Variants in CABS1 observed in about 807,000 individuals in gnomAD.
CABS1 encodes the protein calcium-binding and spermatid-specific protein 1.
For missense variants in CABS1, 500 were observed against 464.3 expected, an observed-to-expected ratio of 1.08 and a Z score of -0.71; for synonymous variants, 195 against 169.0, an observed-to-expected ratio of 1.15 and a Z score of -1.19.
At chr4:70,336,426 C>A (rs1024785774) in intron 1 of CABS1, 80 bp downstream of exon 1, 72 of 652,756 alleles carry the variant, frequency 1.1e-4, no homozygotes, top group African/African-American at 1.1e-3. Flanking sequence ...GAAAAAAAAA[C>A]CGCAGTGTAA....
rs773972098 is a variant in CABS1 at position 70,335,565 on chromosome 4, G to A, written c.526G>A (p.Ala176Thr). Residue 176 changes from alanine (A) to threonine (T), a missense_variant, in exon 1 of 2, where the codon GCT becomes ACT. Physicochemically the swap from Ala to Thr is moderately conservative, Grantham distance 58. Coordinates refer to ENST00000273936, the MANE Select transcript of CABS1 (RefSeq NM_033122.4). ...LKDSSAGVAD[A>T]PAFPRKKDEA... ...GGACAGCAGTGCTGGTGTTGCTGAC[G>A]CTCCTGCCTTTCCACGTAAAAAGGA... is the stretch of plus-strand genomic sequence containing the variant. 28 of 1,613,448 alleles carry A rather than the reference G, an allele frequency of 1.7e-5. No individual in the cohort carries two copies. Among genetic ancestry groups the A allele is most frequent in the South Asian group, 6.6e-5 (6 of 91,066 alleles).
chr4:70,335,692 C>G lies in CABS1; in HGVS notation c.653C>G (p.Pro218Arg). Residue 218 changes from proline (P) to arginine (R), a missense_variant, in exon 1 of 2, where the codon CCT becomes CGT. Transcript: ENST00000273936. ...TDSTIPEAEI[P>R]PAPEESFTTI... ...TCCACTATTCCTGAGGCTGAAATCC[C>G]TCCTGCTCCTGAAGAAAGCTTCACT... 6.2e-7 allele frequency: 1 copy of G among 1,613,568 alleles called. No homozygotes were observed. The highest frequency in any genetic ancestry group is 8.5e-7 in the Non-Finnish European group (1 of 1,179,758).
At position 70,335,922 on chromosome 4, in the gene CABS1, G is replaced by T. The variant is rs879333550; in HGVS notation, c.883G>T (p.Ala295Ser). 26 of 1,613,464 alleles carry T rather than the reference G, an allele frequency of 1.6e-5. No homozygotes were observed. The highest frequency in any genetic ancestry group is 2.1e-5 in the Non-Finnish European group (25 of 1,179,716). The change falls in exon 1 of 2, where the codon GCC (alanine) becomes TCC (serine). Residue 295 changes from alanine (A) to serine (S), a missense_variant. Transcript: ENST00000273936. ...LLTDEETTEGASIWMERDTAN... is the reference protein window; with the variant it reads ...LLTDEETTEGSSIWMERDTAN... ...AACTGATGAAGAAACTACCGAGGGA[G>T]CCAGTATTTGGATGGAGAGAGATAC... is the stretch of plus-strand genomic sequence containing the variant.
At position 70,335,688 on chromosome 4, in the gene CABS1, A is replaced by T. The variant is rs1338906017; in HGVS notation, c.649A>T (p.Ile217Phe). ...VTDSTIPEAEIPPAPEESFTT... is the reference protein window; with the variant it reads ...VTDSTIPEAEFPPAPEESFTT... ...TGATTCCACTATTCCTGAGGCTGAA[A>T]TCCCTCCTGCTCCTGAAGAAAGCTT... Residue 217 changes from isoleucine to phenylalanine, a missense_variant, in exon 1 of 2, where the codon ATC (isoleucine) becomes TTC (phenylalanine). Coordinates refer to ENST00000273936, the MANE Select transcript of CABS1 (RefSeq NM_033122.4). 8.1e-6 allele frequency: 13 copies of T among 1,613,436 alleles called. No individual in the cohort carries two copies. Among genetic ancestry groups the T allele is most frequent in the Non-Finnish European group, 1.1e-5 (13 of 1,179,768 alleles).
Position 70,335,997 on chromosome 4 carries a change from A to G in CABS1, c.958A>G (p.Arg320Gly). The G allele has an allele frequency of 6.2e-7, 1 of 1,613,558 alleles. No homozygotes were observed. Among genetic ancestry groups the G allele is most frequent in the South Asian group, 1.1e-5 (1 of 91,070 alleles). The change falls in exon 1 of 2, where the codon AGA becomes GGA. Residue 320 changes from arginine to glycine, a missense_variant. Coordinates refer to ENST00000273936, the MANE Select transcript of CABS1 (RefSeq NM_033122.4). The part of the protein sequence containing the change: ...HSVLLTAVES[R>G]YDFVVPASIA... Reference sequence around the variant, plus strand: ...TGTTTTGCTTACTGCTGTTGAATCCAGATATGACTTCGTTGTCCCTGCATC... The same window carrying G: ...TGTTTTGCTTACTGCTGTTGAATCCGGATATGACTTCGTTGTCCCTGCATC...
rs1282080938 is a variant in CABS1 at position 70,335,485 on chromosome 4, T to C, written c.446T>C (p.Ile149Thr). The change falls in exon 1 of 2, where the codon ATT becomes ACT. Residue 149 changes from isoleucine to threonine, a missense_variant. Coordinates refer to ENST00000273936, the MANE Select transcript of CABS1 (RefSeq NM_033122.4). ...IAKEDILLAT[I>T]DTGDAEISIT... ...AAAGAAGATATCCTCTTAGCTACCA[T>C]TGACACAGGAGATGCAGAGATCTCA... 4 of 1,613,720 alleles carry C rather than the reference T, an allele frequency of 2.5e-6. No individual in the cohort carries two copies. Among genetic ancestry groups the C allele is most frequent in the Non-Finnish European group, 3.4e-6 (4 of 1,179,794 alleles).
In CABS1 at chr4:70,335,728, AC is replaced by A. The variant is rs576625585; in HGVS notation, c.690del (p.Asp230GlufsTer2). ...GAAGAAAGCTTCACTACTATTCCAG[AC>A]ATAACTGCCCTTGAAGAAGAGAAAA... ...APEESFTTIP[D>X]ITALEEEKIT... On this transcript the variant is annotated frameshift_variant, in exon 1 of 2. Transcript: ENST00000273936. LOFTEE classifies it low-confidence loss of function (END_TRUNC). The A allele has an allele frequency of 4.0e-5, 64 of 1,613,696 alleles. 1 individual carries two copies. In the East Asian group the frequency reaches 1.3e-3, roughly 32 times the overall value.
Position 70,335,830 on chromosome 4 carries a change from T to G in CABS1, c.791T>G (p.Phe264Cys). 6.2e-7 allele frequency: 1 copy of G among 1,613,548 alleles called. No homozygotes were observed. The highest frequency in any genetic ancestry group is 8.5e-7 in the Non-Finnish European group (1 of 1,179,722). Reference protein sequence around the residue: ...VATLTDSDEKFITVFELTTSA... With the variant: ...VATLTDSDEKCITVFELTTSA... ...ACATTAACTGACTCTGATGAGAAGTTTATCACTGTGTTTGAACTCACTACC... is the reference window on the plus strand; with the variant it reads ...ACATTAACTGACTCTGATGAGAAGTGTATCACTGTGTTTGAACTCACTACC... The change falls in exon 1 of 2, where the codon TTT becomes TGT. Residue 264 changes from phenylalanine (F) to cysteine (C), a missense_variant. Coordinates refer to ENST00000273936, the MANE Select transcript of CABS1 (RefSeq NM_033122.4).
Position 70,335,362 on chromosome 4 carries a change from G to A in CABS1, c.323G>A (p.Arg108Lys). 9 of 1,613,760 alleles carry A rather than the reference G, an allele frequency of 5.6e-6. No individual in the cohort carries two copies. Among genetic ancestry groups the A allele is most frequent in the Non-Finnish European group, 7.6e-6 (9 of 1,179,868 alleles). Reference protein sequence around the residue: ...SLTGTTNSITRDSITEHFMPV... With the variant: ...SLTGTTNSITKDSITEHFMPV... Reference sequence around the variant, plus strand: ...ACTGGCACTACAAACTCCATAACAAGAGACTCTATTACCGAACATTTCATG... The same window carrying A: ...ACTGGCACTACAAACTCCATAACAAAAGACTCTATTACCGAACATTTCATG... The change falls in exon 1 of 2, where the codon AGA (arginine) becomes AAA (lysine). Residue 108 changes from arginine to lysine, a missense_variant. Arg to Lys is a conservative substitution (Grantham distance 26). Coordinates refer to ENST00000273936, the MANE Select transcript of CABS1 (RefSeq NM_033122.4).
Position 70,336,101 on chromosome 4 carries a change from G to A in CABS1, c.1062G>A (p.Lys354=), listed in dbSNP as rs776902349. The change falls in exon 1 of 2, where the codon AAG becomes AAA. Residue 354 remains lysine (K), a synonymous_variant. Transcript: ENST00000273936. ...CTGATAATACAGAGACTGTACCTAA[G>A]ATCACTGAGCCATTTTCTGGAACTA... ...SETDNTETVP[K]ITEPFSGTTS... 1.2e-6 allele frequency: 2 copies of A among 1,613,168 alleles called. No homozygotes were observed. The highest frequency in any genetic ancestry group is 2.2e-5 in the South Asian group (2 of 91,052).
Position 70,335,428 on chromosome 4 carries a change from T to C in CABS1, c.389T>C (p.Val130Ala). ...IGNISSPVTT[V>A]SLIDFSTDIA... is the part of the protein sequence containing the mutation. ...AATATTTCATCACCAGTTACTACTGTTTCTTTAATAGATTTTTCCACTGAC... is the reference window on the plus strand; with the variant it reads ...AATATTTCATCACCAGTTACTACTGCTTCTTTAATAGATTTTTCCACTGAC... The change falls in exon 1 of 2, where the codon GTT becomes GCT. Residue 130 changes from valine (V) to alanine (A), a missense_variant. Physicochemically the swap from Val to Ala is moderately conservative, Grantham distance 64 (BLOSUM62 0). Coordinates refer to ENST00000273936, the MANE Select transcript of CABS1 (RefSeq NM_033122.4). 1 of 1,613,702 alleles carries C rather than the reference T, an allele frequency of 6.2e-7. No homozygotes were observed. Among genetic ancestry groups the C allele is most frequent in the Non-Finnish European group, 8.5e-7 (1 of 1,179,794 alleles).
chr4:70,335,151 G>GCTATTCCC lies in CABS1; in HGVS notation c.112_113insCTATTCCC (p.Glu38AlafsTer17). Reference sequence around the variant, plus strand: ...GGCTGACAATGCTATTCCCAAATCAGAAACAACTATTACTTCAGAAGGAGA... The same window carrying GCTATTCCC: ...GGCTGACAATGCTATTCCCAAATCAGCTATTCCCAAACAACTATTACTTCAGAAGGAGA... On this transcript the variant is annotated frameshift_variant, in exon 1 of 2. Coordinates refer to ENST00000273936, the MANE Select transcript of CABS1 (RefSeq NM_033122.4). LOFTEE classifies it low-confidence loss of function (END_TRUNC). The GCTATTCCC allele has an allele frequency of 1.9e-6, 3 of 1,613,800 alleles. No individual in the cohort carries two copies. The highest frequency in any genetic ancestry group is 1.7e-6 in the Non-Finnish European group (2 of 1,179,826).
chr4:70,335,760 G>T lies in CABS1; in HGVS notation c.721G>T (p.Glu241Ter). 6.2e-7 allele frequency: 1 copy of T among 1,613,504 alleles called. No homozygotes were observed. The highest frequency in any genetic ancestry group is 8.5e-7 in the Non-Finnish European group (1 of 1,179,742). Residue 241 changes from glutamate (E) to a stop codon, truncating the protein, a stop_gained, in exon 1 of 2, where the codon GAA becomes TAA. Coordinates refer to ENST00000273936, the MANE Select transcript of CABS1 (RefSeq NM_033122.4). LOFTEE classifies it low-confidence loss of function (END_TRUNC). ...ITALEEEKIT[E>*]IDLSVLEDDT... is the part of the protein sequence containing the mutation. ...TGCCCTTGAAGAAGAGAAAATAACCGAAATTGACCTAAGTGTTTTAGAAGA... is the reference window on the plus strand; with the variant it reads ...TGCCCTTGAAGAAGAGAAAATAACCTAAATTGACCTAAGTGTTTTAGAAGA...
chr4:70,335,931 T>G lies in CABS1; in HGVS notation c.892T>G (p.Trp298Gly), dbSNP rs2291182. 0.097 allele frequency: 157,208 copies of G among 1,613,402 alleles called. 9,355 individuals are homozygous for G. The highest frequency in any genetic ancestry group is 0.2 in the East Asian group (8,953 of 44,812). Residue 298 changes from tryptophan to glycine, a missense_variant, in exon 1 of 2, where the codon TGG becomes GGG. Coordinates refer to ENST00000273936, the MANE Select transcript of CABS1 (RefSeq NM_033122.4). The stretch of plus-strand genomic sequence containing the variant: ...AGAAACTACCGAGGGAGCCAGTATT[T>G]GGATGGAGAGAGATACTGCAAATGA... The part of the protein sequence containing the change: ...DEETTEGASI[W>G]MERDTANEAE...
chr4:70,336,416 G>T, intron 1 of CABS1, 70 bp downstream of exon 1: 17 of 689,658 alleles, frequency 2.5e-5, no homozygotes, highest in East Asian at 7.7e-5. Flanking sequence ...CGGAAACTTA[G>T]AAAAAAAAAC....
Position 70,336,326 on chromosome 4 carries a change from G to A in CABS1, c.*99G>A. Reference sequence around the variant, plus strand: ...CCAACAAGCAAAAACCTTTAGAAATGAAAGAATGTGGGCATTTAAGGCAAG... The same window carrying A: ...CCAACAAGCAAAAACCTTTAGAAATAAAAGAATGTGGGCATTTAAGGCAAG... On this transcript the variant is annotated 3_prime_UTR_variant, in exon 1 of 2. Transcript: ENST00000273936. 1 of 1,438,558 alleles carries A rather than the reference G, an allele frequency of 7.0e-7. No individual in the cohort carries two copies. Among genetic ancestry groups the A allele is most frequent in the Non-Finnish European group, 9.2e-7 (1 of 1,090,444 alleles). The allele number at this position is 1,438,558 out of a possible 1,614,324, so 89.1% of individuals were successfully genotyped here.
Position 70,335,718 on chromosome 4 carries a change from A to T in CABS1, c.679A>T (p.Thr227Ser), listed in dbSNP as rs1731710124. The T allele has an allele frequency of 6.2e-7, 1 of 1,613,448 alleles. No homozygotes were observed. The highest frequency in any genetic ancestry group is 1.1e-5 in the South Asian group (1 of 91,082). Reference protein sequence around the residue: ...IPPAPEESFTTIPDITALEEE... With the variant: ...IPPAPEESFTSIPDITALEEE... ...TCCTGCTCCTGAAGAAAGCTTCACT[A>T]CTATTCCAGACATAACTGCCCTTGA... is the stretch of plus-strand genomic sequence containing the variant. The change falls in exon 1 of 2, where the codon ACT becomes TCT. Residue 227 changes from threonine (T) to serine (S), a missense_variant. By Grantham distance (58) the Thr-to-Ser change is moderately conservative (BLOSUM62 1). Coordinates refer to ENST00000273936, the MANE Select transcript of CABS1 (RefSeq NM_033122.4).
Position 70,336,033 on chromosome 4 carries a change from A to C in CABS1, c.994A>C (p.Asn332His). The C allele has an allele frequency of 6.2e-7, 1 of 1,613,456 alleles. No individual in the cohort carries two copies. The highest frequency in any genetic ancestry group is 8.5e-7 in the Non-Finnish European group (1 of 1,179,624). Residue 332 changes from asparagine to histidine, a missense_variant, in exon 1 of 2, where the codon AAC (asparagine) becomes CAC (histidine). Transcript: ENST00000273936. ...CGTTGTCCCTGCATCAATAGCTACAAACCTAGTGGAAGAATCATCTACAGA... is the reference window on the plus strand; with the variant it reads ...CGTTGTCCCTGCATCAATAGCTACACACCTAGTGGAAGAATCATCTACAGA... The part of the protein sequence containing the change: ...DFVVPASIAT[N>H]LVEESSTEED...
chr4:70,335,689 T>A lies in CABS1; in HGVS notation c.650T>A (p.Ile217Asn). The A allele has an allele frequency of 6.2e-7, 1 of 1,613,556 alleles. No individual in the cohort carries two copies. The highest frequency in any genetic ancestry group is 8.5e-7 in the Non-Finnish European group (1 of 1,179,762). ...VTDSTIPEAE[I>N]PPAPEESFTT... ...GATTCCACTATTCCTGAGGCTGAAA[T>A]CCCTCCTGCTCCTGAAGAAAGCTTC... is the stretch of plus-strand genomic sequence containing the variant. The change falls in exon 1 of 2, where the codon ATC becomes AAC. Residue 217 changes from isoleucine (I) to asparagine (N), a missense_variant. By Grantham distance (149) the Ile-to-Asn change is moderately radical (BLOSUM62 -3). Coordinates refer to ENST00000273936, the MANE Select transcript of CABS1 (RefSeq NM_033122.4).
Sources: allele counts gnomAD v4.1 joint callset, GRCh38; gene constraint gnomAD v4.1.1; transcripts MANE v1.5; gene names NCBI Gene and HGNC (gene_info 2026-07-23, HGNC 2026-07-21).